The following PLS1 variants were observed in gnomAD, a reference collection of about 807,000 sequenced individuals.
PLS1 encodes the protein plastin-1.
PLS1 carries 32 observed loss-of-function variants against 73.7 expected under a neutral mutation model. That is an observed-to-expected ratio of 0.43 (90% CI 0.33 to 0.58). The LOEUF (loss-of-function observed/expected upper bound fraction) is 0.58, where lower values mean the gene tolerates loss of function less well. Ranked by LOEUF, PLS1 falls within the 20% of genes least tolerant of loss-of-function variation. PLS1 has a pLI of 0.04. For missense variants in PLS1, 633 were observed against 740.5 expected (o/e 0.85, Z 1.68); for synonymous variants, 217 against 261.3 (o/e 0.83, Z 1.63).
At chr3:142,676,747 G>T (rs2037734382) in intron 5 of PLS1, among the ~76,000 whole-genome samples, 1 of 152,082 alleles carries the variant, frequency 6.6e-6, no homozygotes, top group African/African-American at 2.4e-5. Flanking sequence ...TCACTATGTT[G>T]TAAACTCTCT....
intron 1 of PLS1, among the ~76,000 whole-genome samples, chr3:142,625,030 A>G (rs965409459): frequency 1.3e-5 from 2 of 152,156 alleles, no homozygotes; most frequent in African/African-American, 4.8e-5. Context: ...GTTTCTTTGC[A>G]TAGCTACAAA....
At chr3:142,601,738 A>G (rs550783905) in intron 1 of PLS1, among the ~76,000 whole-genome samples, 124 of 152,164 alleles carry the variant, frequency 8.1e-4, no homozygotes, top group Middle Eastern at 3.4e-3. Flanking sequence ...GCTGATCTCA[A>G]ACTTTTAGCC....
chr3:142,679,101 C>A (rs1293653694), intron 6 of PLS1, among the ~76,000 whole-genome samples: 1 of 151,436 alleles, frequency 6.6e-6, no homozygotes, highest in East Asian at 1.9e-4. Context: ...ATGTCCTTCA[C>A]CCACTTTTTG....
intron 1 of PLS1, among the ~76,000 whole-genome samples, chr3:142,634,811 A>G (rs542520165): frequency 2.1e-4 from 32 of 152,146 alleles, no homozygotes; most frequent in Non-Finnish European, 3.7e-4. Flanking sequence ...GAGTAAACAG[A>G]TAAGATTTCT....
chr3:142,607,179 C>A lies in PLS1; in HGVS notation c.-37+10670C>A, dbSNP rs556793894. ...AGTGACTTAAAAAAAAACCAATAGA[C>A]TTTATCTTTTAGAACTGTTTCAAAT... On this transcript the variant is annotated intron_variant, in intron 1 of 15. Coordinates refer to ENST00000457734, the MANE Select transcript of PLS1 (RefSeq NM_001145319.2). 2.0e-4 allele frequency among the ~76,000 whole-genome samples: 30 copies of A among 152,228 alleles called. 1 individual carries two copies. The highest frequency in any genetic ancestry group is 6.5e-4 in the African/African-American group (27 of 41,538).
At chr3:142,597,547 G>GC (rs1195998669) in intron 1 of PLS1, among the ~76,000 whole-genome samples, 2 of 152,270 alleles carry the variant, frequency 1.3e-5, no homozygotes, top group South Asian at 2.1e-4. Flanking sequence ...CAGGTATCCT[G>GC]CCCCCCTTCA....
intron 9 of PLS1, among the ~76,000 whole-genome samples, chr3:142,687,623 C>T (rs1183837163): frequency 6.6e-6 from 1 of 152,022 alleles, no homozygotes; most frequent in Non-Finnish European, 1.5e-5. Context: ...CTATCAGGTA[C>T]TCATCCCTCA....
At chr3:142,703,724 T>G (rs1047845925) in intron 12 of PLS1, 144 bp from the exon 13 acceptor site, 4 of 591,956 alleles carry the variant, frequency 6.8e-6, no homozygotes, top group African/African-American at 5.6e-5. Flanking sequence ...ATGTCCTTGC[T>G]TTCCCTGGGT....
intron 5 of PLS1, among the ~76,000 whole-genome samples, chr3:142,677,367 T>G (rs981292365): frequency 6.6e-6 from 1 of 152,130 alleles, no homozygotes; most frequent in African/African-American, 2.4e-5. Context: ...GGGTGATGAC[T>G]GGGCGTGGTG....
chr3:142,701,999 A>G (rs1044315471), intron 12 of PLS1, among the ~76,000 whole-genome samples: 7 of 152,268 alleles, frequency 4.6e-5, no homozygotes, highest in African/African-American at 1.4e-4. Flanking sequence ...CTAAGCCTAT[A>G]ATATGATTCC....
At chr3:142,686,423 G>T (rs189583574) in intron 9 of PLS1, 47 bp downstream of exon 9, 3 of 1,116,746 alleles carry the variant, frequency 2.7e-6, no homozygotes, top group African/African-American at 3.1e-5. Flanking sequence ...TAAAACAGAC[G>T]TAGAAAATTT....
intron 12 of PLS1, among the ~76,000 whole-genome samples, chr3:142,701,783 T>C (rs1233797281): frequency 1.5e-4 from 23 of 152,212 alleles, no homozygotes; most frequent in Admixed American, 1.4e-3. Context: ...TGGCTCTTCA[T>C]TGAAACACAT....
At chr3:142,664,498 AAT>A (rs1183437978) in intron 2 of PLS1, among the ~76,000 whole-genome samples, 191 bp downstream of exon 2, 6 of 152,134 alleles carry the variant, frequency 3.9e-5, no homozygotes, top group Non-Finnish European at 8.8e-5. Flanking sequence ...TTTCTAGGTG[AAT>A]TGGACTTTGA....
At chr3:142,663,980 A>C (rs1190707294) in intron 1 of PLS1, 1 of 251,870 alleles carries the variant, frequency 4.0e-6, no homozygotes, top group African/African-American at 2.2e-5. Flanking sequence ...TAAAAGCACA[A>C]GGTGAGAAAA....
intron 1 of PLS1, among the ~76,000 whole-genome samples, chr3:142,600,843 C>T (rs2108530522): frequency 1.6e-5 from 2 of 122,776 alleles, no homozygotes; most frequent in East Asian, 4.9e-4. Context: ...TGAGAAATGG[C>T]TAGCAGTGGG....
chr3:142,646,671 A>C (rs2036959172), intron 1 of PLS1, among the ~76,000 whole-genome samples: 1 of 152,246 alleles, frequency 6.6e-6, no homozygotes, highest in Non-Finnish European at 1.5e-5. Flanking sequence ...AGCACATCAT[A>C]GTTCTTACTG....
Position 142,686,276 on chromosome 3 carries a change from C to T in PLS1, c.889-8C>T. 1 of 1,540,874 alleles carries T rather than the reference C, an allele frequency of 6.5e-7. No individual in the cohort carries two copies. Reference sequence around the variant, plus strand: ...TTTAAAAATGCTATTTCATATCTTTCCTTGAAGGACTCGAGAGCCTATTTT... The same window carrying T: ...TTTAAAAATGCTATTTCATATCTTTTCTTGAAGGACTCGAGAGCCTATTTT... On this transcript the variant is annotated splice_polypyrimidine_tract_variant and splice_region_variant and intron_variant, in intron 8 of 15. Transcript: ENST00000457734.
At chr3:142,637,237 A>T (rs974377234) in intron 1 of PLS1, among the ~76,000 whole-genome samples, 1 of 152,226 alleles carries the variant, frequency 6.6e-6, no homozygotes, top group African/African-American at 2.4e-5. Context: ...AATACACAAC[A>T]TAGATCTCAA....
intron 8 of PLS1, among the ~76,000 whole-genome samples, chr3:142,685,667 G>C (rs1175617914): frequency 6.6e-6 from 1 of 152,216 alleles, no homozygotes; most frequent in African/African-American, 2.4e-5. Flanking sequence ...CTTTAAGAGA[G>C]AGGAAGCAGA....
Sources: gnomAD v4.1 joint callset for allele counts (sites outside exome capture counted in the v4.1 genomes callset) on GRCh38, gnomAD v4.1.1 for gene constraint, MANE v1.5 for transcripts, NCBI Gene and HGNC (gene_info 2026-07-23, HGNC 2026-07-21) for gene names.